Variants in UBE2E2 observed in about 807,000 individuals in gnomAD.
UBE2E2 encodes the protein ubiquitin conjugating enzyme E2 E2.
Under a neutral mutation model 24.7 loss-of-function variants are expected in UBE2E2, and 6 were observed. That is an observed-to-expected ratio of 0.24 (90% confidence interval 0.13 to 0.48). The LOEUF (loss-of-function observed/expected upper bound fraction) is 0.48, where lower values mean the gene tolerates loss of function less well. UBE2E2 is among the 20% of genes least tolerant of loss of function. The pLI, the probability that UBE2E2 is intolerant of heterozygous loss-of-function variation, is 0.99. For synonymous variants in UBE2E2, 104 were observed against 83.6 expected, an observed-to-expected ratio of 1.24 and a Z score of -1.33; for missense variants, 169 against 245.0, an observed-to-expected ratio of 0.69 and a Z score of 2.07.
chr3:23,301,421 C>A (rs1699085447), intron 3 of UBE2E2, among the ~76,000 whole-genome samples: 1 of 152,056 alleles, frequency 6.6e-6, no homozygotes, highest in South Asian at 2.1e-4. Flanking sequence ...TTTTATCTAC[C>A]TTTGGTCTTT....
chr3:23,239,489 A>G lies in UBE2E2; in HGVS notation c.227+22177A>G, dbSNP rs529679420. Reference sequence around the variant, plus strand: ...ACGAATCGACTTTCTGTCTCTATGGATTTGTCTATTCTGGGCATTTTGTAT... The same window carrying G: ...ACGAATCGACTTTCTGTCTCTATGGGTTTGTCTATTCTGGGCATTTTGTAT... On this transcript the variant is annotated intron_variant, in intron 3 of 5. Transcript: ENST00000396703. 1.3e-4 allele frequency among the ~76,000 whole-genome samples: 20 copies of G among 151,052 alleles called. No homozygotes were observed. In the South Asian group the frequency reaches 3.4e-3, roughly 25 times the overall value.
chr3:23,402,053 C>T (rs1697237925), intron 3 of UBE2E2, among the ~76,000 whole-genome samples: 1 of 151,782 alleles, frequency 6.6e-6, no homozygotes, highest in Non-Finnish European at 1.5e-5. Context: ...AATGAGGTTT[C>T]ACCATGTTGG....
intron 3 of UBE2E2, among the ~76,000 whole-genome samples, chr3:23,463,044 T>C (rs1292338386): frequency 6.6e-6 from 1 of 152,124 alleles, no homozygotes; most frequent in Non-Finnish European, 1.5e-5. Context: ...AATTAGATGG[T>C]TAAGGCCTTA....
intron 3 of UBE2E2, among the ~76,000 whole-genome samples, chr3:23,488,661 C>T (rs766728392): frequency 2.0e-5 from 3 of 152,176 alleles, no homozygotes; most frequent in Non-Finnish European, 4.4e-5. Context: ...TTTTGAGAAG[C>T]GATTTGGCTT....
intron 5 of UBE2E2, among the ~76,000 whole-genome samples, chr3:23,586,021 C>T (rs188998488): frequency 6.6e-6 from 1 of 152,096 alleles, no homozygotes; most frequent in African/African-American, 2.4e-5. Flanking sequence ...GAAAAGTCCT[C>T]CCTTAATTAA....
intron 2 of UBE2E2, among the ~76,000 whole-genome samples, chr3:23,213,112 T>G (rs1374890400): frequency 6.6e-6 from 1 of 152,124 alleles, no homozygotes; most frequent in Non-Finnish European, 1.5e-5. Flanking sequence ...GTTGTCTAGA[T>G]GAGATGAAGG....
chr3:23,360,945 C>T (rs1427709536), intron 3 of UBE2E2, among the ~76,000 whole-genome samples: 2 of 149,530 alleles, frequency 1.3e-5, no homozygotes, highest in Non-Finnish European at 1.5e-5. Flanking sequence ...TGATAAAGGA[C>T]TAAAATCCAG....
intron 5 of UBE2E2, among the ~76,000 whole-genome samples, chr3:23,566,725 C>T (rs575155221): frequency 8.5e-5 from 13 of 152,214 alleles, no homozygotes; most frequent in Middle Eastern, 3.4e-3. Flanking sequence ...AGCACTGAGC[C>T]GTTCATGAGG....
chr3:23,577,823 A>G (rs1474854427), intron 5 of UBE2E2, among the ~76,000 whole-genome samples: 2 of 152,172 alleles, frequency 1.3e-5, no homozygotes, highest in Admixed American at 1.3e-4. Context: ...GGTCTAATGT[A>G]GCTGGTGACT....
At chr3:23,531,328 T>C (rs1307764907) in intron 4 of UBE2E2, among the ~76,000 whole-genome samples, 1 of 152,164 alleles carries the variant, frequency 6.6e-6, no homozygotes, top group Non-Finnish European at 1.5e-5. Context: ...GAGATTTTTG[T>C]ATATTTCAAC....
intron 3 of UBE2E2, among the ~76,000 whole-genome samples, chr3:23,361,891 T>C (rs1696125049): frequency 6.6e-6 from 1 of 152,242 alleles, no homozygotes; most frequent in African/African-American, 2.4e-5. Context: ...TAGAAAATCA[T>C]GTATTTGAAT....
intron 3 of UBE2E2, among the ~76,000 whole-genome samples, chr3:23,314,490 CA>C (rs1694516657): frequency 6.6e-6 from 1 of 152,146 alleles, no homozygotes; most frequent in Non-Finnish European, 1.5e-5. Context: ...TGAGTAGTTA[CA>C]TCACAATTAG....
At chr3:23,262,620 T>G (rs1313522601) in intron 3 of UBE2E2, among the ~76,000 whole-genome samples, 1 of 151,898 alleles carries the variant, frequency 6.6e-6, no homozygotes, top group South Asian at 2.1e-4. Flanking sequence ...TTTTTTTTTT[T>G]GCTATTGAGT....
chr3:23,551,782 C>T (rs139660323), intron 5 of UBE2E2, among the ~76,000 whole-genome samples: 139 of 152,308 alleles, frequency 9.1e-4, no homozygotes, highest in Middle Eastern at 6.8e-3. Flanking sequence ...TAGCTGGTCC[C>T]AGGCTCGGCT....
chr3:23,547,347 A>G (rs768244379), intron 5 of UBE2E2, among the ~76,000 whole-genome samples: 7 of 152,206 alleles, frequency 4.6e-5, no homozygotes, highest in African/African-American at 1.7e-4. Context: ...TCCACCATTT[A>G]AAATACCCAG....
chr3:23,380,069 A>C (rs1189004354), intron 3 of UBE2E2, among the ~76,000 whole-genome samples: 1 of 138,966 alleles, frequency 7.2e-6, no homozygotes, highest in African/African-American at 2.8e-5. Flanking sequence ...GAAAATGCTA[A>C]GAACATTTGA....
chr3:23,252,094 T>A (rs1218301256), intron 3 of UBE2E2, among the ~76,000 whole-genome samples: 1 of 152,218 alleles, frequency 6.6e-6, no homozygotes, highest in Non-Finnish European at 1.5e-5. Flanking sequence ...AACAAAAAAA[T>A]TAGTTAAACT....
chr3:23,366,883 A>G (rs1696270850), intron 3 of UBE2E2, among the ~76,000 whole-genome samples: 1 of 152,230 alleles, frequency 6.6e-6, no homozygotes. Context: ...AAATTTGTAT[A>G]ACAGAAACTA....
At chr3:23,295,106 C>G (rs1317994630) in intron 3 of UBE2E2, among the ~76,000 whole-genome samples, 2 of 152,074 alleles carry the variant, frequency 1.3e-5, no homozygotes, top group African/African-American at 2.4e-5. Context: ...TTTTCCATCT[C>G]TAGTCCTTTT....
Sources: allele counts gnomAD v4.1 joint callset (sites outside exome capture counted in the v4.1 genomes callset), GRCh38; gene constraint gnomAD v4.1.1; transcripts MANE v1.5; gene names NCBI Gene and HGNC (gene_info 2026-07-23, HGNC 2026-07-21).